The following MMP26 variants were observed in gnomAD, a reference collection of about 807,000 sequenced individuals.
MMP26 encodes the protein matrix metallopeptidase 26, also known as matrix metalloproteinase-26.
In MMP26, 33 loss-of-function variants were observed where a neutral mutation model predicts 31.0. That is an observed-to-expected ratio of 1.06 (90% CI 0.81 to 1.42). The LOEUF is 1.42. MMP26 is among the 40% of genes most tolerant of loss of function. The pLI, the probability that MMP26 is intolerant of heterozygous loss-of-function variation, is 0.00. For missense variants in MMP26, 347 were observed against 316.1 expected (o/e 1.10, Z -0.74); for synonymous variants, 122 against 114.9 (o/e 1.06, Z -0.40).
At chr11:4,965,309 A>G (rs1215774450) in intron 2 of MMP26, among the ~76,000 whole-genome samples, 1 of 152,142 alleles carries the variant, frequency 6.6e-6, no homozygotes, top group African/African-American at 2.4e-5. Flanking sequence ...TATTTTGTGG[A>G]CTTTGAGAAA....
At chr11:4,837,012 G>A (rs1849728760) in intron 2 of MMP26, among the ~76,000 whole-genome samples, 1 of 151,978 alleles carries the variant, frequency 6.6e-6, no homozygotes, top group Admixed American at 6.6e-5. Context: ...CTAAATTTAG[G>A]TTTGTTTAAA....
chr11:4,936,345 A>G (rs1846111819), intron 2 of MMP26, among the ~76,000 whole-genome samples: 1 of 151,258 alleles, frequency 6.6e-6, no homozygotes, highest in East Asian at 2.0e-4. Flanking sequence ...TTTCTTCTAG[A>G]TTTTCTAGTT....
intron 2 of MMP26, among the ~76,000 whole-genome samples, chr11:4,936,271 T>A (rs201386904): frequency 0.18 from 26,514 of 150,264 alleles, 2,524 homozygotes; most frequent in South Asian, 0.37. Context: ...TATTGATCTA[T>A]TCAGAGATTC....
chr11:4,709,417 G>T (rs1418073233), intron 1 of MMP26, among the ~76,000 whole-genome samples: 2 of 152,160 alleles, frequency 1.3e-5, no homozygotes, highest in Middle Eastern at 3.2e-3. Flanking sequence ...TAAGAAAACA[G>T]TAAGTGGCTA....
At chr11:4,943,378 C>T in intron 2 of MMP26, 4 of 385,924 alleles carry the variant, frequency 1.0e-5, no homozygotes, top group Non-Finnish European at 2.1e-5. Context: ...TTCTGAGGAA[C>T]TTCTCTGGTA....
intron 2 of MMP26, chr11:4,943,115 A>G (rs766520747): frequency 6.0e-5 from 10 of 166,002 alleles, no homozygotes; most frequent in African/African-American, 9.6e-5. Context: ...ATAATTTTGT[A>G]GTGTTCCATC....
intron 1 of MMP26, chr11:4,709,748 C>T (rs1349119909): frequency 2.2e-6 from 1 of 460,964 alleles, no homozygotes; most frequent in Admixed American, 2.3e-5. Context: ...TCCATGAACC[C>T]ATGTATCATT....
chr11:4,885,168 T>C (rs1850531024), intron 2 of MMP26, among the ~76,000 whole-genome samples: 1 of 152,154 alleles, frequency 6.6e-6, no homozygotes, highest in Non-Finnish European at 1.5e-5. Flanking sequence ...CGAATTTGTG[T>C]TTTGTTATTT....
At chr11:4,950,041 A>G (rs1846356915) in intron 2 of MMP26, among the ~76,000 whole-genome samples, 1 of 123,536 alleles carries the variant, frequency 8.1e-6, no homozygotes, top group African/African-American at 2.7e-5. Context: ...TTGATTTATG[A>G]CAGTGACACA....
At chr11:4,829,225 G>A (rs773437779) in intron 2 of MMP26, among the ~76,000 whole-genome samples, 2 of 152,044 alleles carry the variant, frequency 1.3e-5, no homozygotes, top group East Asian at 3.9e-4. Context: ...AATCTTCAGC[G>A]GTGTTAAGCC....
chr11:4,897,197 C>T (rs59367196), intron 2 of MMP26, among the ~76,000 whole-genome samples: 5,460 of 151,928 alleles, frequency 0.036, 337 homozygotes, highest in African/African-American at 0.13. Flanking sequence ...TGGAGTGCAG[C>T]GGCAGGATCT....
At chr11:4,841,490 A>G (rs1426279728) in intron 2 of MMP26, among the ~76,000 whole-genome samples, 1 of 152,208 alleles carries the variant, frequency 6.6e-6, no homozygotes, top group Admixed American at 6.5e-5. Flanking sequence ...GGAGAGAGTA[A>G]CATAAGATAA....
At chr11:4,980,075 A>G (rs1564818528) in intron 2 of MMP26, among the ~76,000 whole-genome samples, 1 of 152,100 alleles carries the variant, frequency 6.6e-6, no homozygotes, top group African/African-American at 2.4e-5. Context: ...ACTTTGGCCA[A>G]TCCAGGCTAA....
chr11:4,857,098 T>A (rs992889436), intron 2 of MMP26, among the ~76,000 whole-genome samples: 73 of 152,196 alleles, frequency 4.8e-4, no homozygotes, highest in Non-Finnish European at 9.4e-4. Context: ...TTTATAGCAC[T>A]AAATGCCCAC....
intron 1 of MMP26, among the ~76,000 whole-genome samples, chr11:4,713,584 GT>G (rs199784412): frequency 6.6e-6 from 1 of 152,012 alleles, no homozygotes; most frequent in African/African-American, 2.4e-5. Context: ...AAAAGACTCT[GT>G]TTTATTCTCT....
chr11:4,819,863 A>G (rs1405079064), intron 2 of MMP26, among the ~76,000 whole-genome samples: 2 of 152,040 alleles, frequency 1.3e-5, no homozygotes, highest in Non-Finnish European at 2.9e-5. Flanking sequence ...AACAGGCATG[A>G]ACCCTGTGCC....
intron 1 of MMP26, among the ~76,000 whole-genome samples, chr11:4,721,421 A>C (rs931631326): frequency 6.6e-6 from 1 of 152,168 alleles, no homozygotes; most frequent in Non-Finnish European, 1.5e-5. Context: ...CCAAATATCT[A>C]CTTCTCCTAG....
chr11:4,831,626 T>C (rs765869863), intron 2 of MMP26, among the ~76,000 whole-genome samples: 3 of 152,210 alleles, frequency 2.0e-5, no homozygotes, highest in Non-Finnish European at 2.9e-5. Flanking sequence ...CCCTCTGTGG[T>C]AGACCAATTC....
intron 2 of MMP26, chr11:4,803,774 G>C: frequency 1.2e-6 from 2 of 1,613,278 alleles, no homozygotes; most frequent in Non-Finnish European, 1.7e-6. Flanking sequence ...GCCACAAAGA[G>C]CCCATTCCCA....
Sources: allele counts gnomAD v4.1 joint callset (sites outside exome capture counted in the v4.1 genomes callset), GRCh38; gene constraint gnomAD v4.1.1; transcripts MANE v1.5; gene names NCBI Gene and HGNC (gene_info 2026-07-23, HGNC 2026-07-21).